The following MYOF variants were observed in gnomAD, a reference collection of about 807,000 sequenced individuals.
The protein encoded by MYOF is myoferlin.
A neutral mutation model predicts 284.2 loss-of-function variants in MYOF; 244 were observed. The ratio of observed to expected loss-of-function variants is 0.86; its 90% confidence interval spans 0.77 to 0.95. The LOEUF is 0.95. Ranked by LOEUF, MYOF falls within the 40% of genes least tolerant of loss-of-function variation. MYOF has a pLI of 0.00. For synonymous variants in MYOF, 904 were observed against 919.7 expected (o/e 0.98, Z 0.31); for missense variants, 2,496 against 2,560.6 (o/e 0.97, Z 0.54).
intron 1 of MYOF, among the ~76,000 whole-genome samples, chr10:93,460,419 G>T (rs763267945): frequency 7.9e-5 from 12 of 152,330 alleles, no homozygotes; most frequent in Non-Finnish European, 1.3e-4. Flanking sequence ...CATCCACTGT[G>T]TGCCAGTAAC....
At chr10:93,388,446 T>C (rs1846507312) in intron 18 of MYOF, among the ~76,000 whole-genome samples, 1 of 152,186 alleles carries the variant, frequency 6.6e-6, no homozygotes, top group African/African-American at 2.4e-5. Context: ...GAAGAGTGGA[T>C]ACTTCTCCCA....
At chr10:93,481,998 G>A in intron 1 of MYOF, 109 bp downstream of exon 1, 1 of 1,042,644 alleles carries the variant, frequency 9.6e-7, no homozygotes, top group East Asian at 2.5e-5. Flanking sequence ...AACGCTGCTG[G>A]AGAGACTTGG....
chr10:93,363,887 G>T, intron 27 of MYOF, 74 bp downstream of exon 27: 2 of 1,354,136 alleles, frequency 1.5e-6, no homozygotes, highest in South Asian at 1.3e-5. Flanking sequence ...CCCAAGCCAG[G>T]TGGCTGCTGG....
chr10:93,385,996 C>G (rs994619784), intron 19 of MYOF, among the ~76,000 whole-genome samples: 1 of 152,166 alleles, frequency 6.6e-6, no homozygotes, highest in East Asian at 1.9e-4. Context: ...TTCTCCTTCT[C>G]CCTGCAACTA....
In MYOF at chr10:93,392,787, T is replaced by TA. The variant is rs1846760935; in HGVS notation, c.1456+129dup. On this transcript the variant is annotated intron_variant, in intron 17 of 53. Transcript: ENST00000359263. ...AACCGTATGGCACTTACACAAAAATTATTACTTTAGCAAAACTATGTTGAG... is the reference window on the plus strand; with the variant it reads ...AACCGTATGGCACTTACACAAAAATTAATTACTTTAGCAAAACTATGTTGAG... The TA allele has an allele frequency of 6.1e-6, 5 of 814,110 alleles. No individual in the cohort carries two copies. In the African/African-American group the frequency reaches 8.7e-5, roughly 14 times the overall value. The allele number at this position is 814,110 out of a possible 1,614,324, so 50.4% of individuals were successfully genotyped here. A position where few individuals can be genotyped will look rare whatever the true frequency, so the allele number is the denominator to read the frequency against.
chr10:93,400,928 C>T (rs780176780), intron 12 of MYOF, among the ~76,000 whole-genome samples: 3 of 146,130 alleles, frequency 2.1e-5, no homozygotes, highest in South Asian at 2.2e-4. Flanking sequence ...GTGTGGCTCA[C>T]GGCAACCTCC....
intron 13 of MYOF, among the ~76,000 whole-genome samples, chr10:93,397,852 A>G (rs1167800562): frequency 6.6e-6 from 1 of 151,900 alleles, no homozygotes; most frequent in African/African-American, 2.4e-5. Flanking sequence ...CTCTTGTTCC[A>G]GTCTTTCCAT....
rs1847808758 is a variant in MYOF at position 93,409,648 on chromosome 10, T to G, written c.525A>C (p.Glu175Asp). 2 of 1,614,120 alleles carry G rather than the reference T, an allele frequency of 1.2e-6. No individual in the cohort carries two copies. The highest frequency in any genetic ancestry group is 2.7e-5 in the African/African-American group (2 of 74,950). ...TGGTGAGCCTCCGAGCAAGCTGAGC[T>G]TCCGACACCGTCCCAACTGGCCCCT... ...GPKGPVGTVS[E>D]AQLARRLTKV... The change falls in exon 6 of 54, where the codon GAA (glutamate) becomes GAC (aspartate). Residue 175 changes from glutamate (E) to aspartate (D), a missense_variant. Transcript: ENST00000359263.
intron 29 of MYOF, among the ~76,000 whole-genome samples, chr10:93,358,673 A>G (rs986192748): frequency 6.6e-6 from 1 of 152,174 alleles, no homozygotes. Context: ...GCTGGAAGCC[A>G]TTATCCTCAG....
At chr10:93,363,109 A>G (rs949557681) in intron 27 of MYOF, among the ~76,000 whole-genome samples, 2 of 152,228 alleles carry the variant, frequency 1.3e-5, no homozygotes, top group African/African-American at 4.8e-5. Flanking sequence ...ACCATTTTTT[A>G]AAAGCTCATA....
intron 3 of MYOF, among the ~76,000 whole-genome samples, chr10:93,432,372 G>A (rs1253272844): frequency 1.3e-5 from 2 of 151,918 alleles, no homozygotes; most frequent in South Asian, 2.1e-4. Flanking sequence ...GGGCGACAGA[G>A]TGAGACCTTG....
chr10:93,455,548 C>G (rs1248960777), intron 2 of MYOF, among the ~76,000 whole-genome samples: 2 of 151,914 alleles, frequency 1.3e-5, no homozygotes, highest in Non-Finnish European at 2.9e-5. Context: ...GCTTGTGGTC[C>G]CAGCTACTCA....
At chr10:93,358,810 G>A (rs1222860153) in intron 29 of MYOF, among the ~76,000 whole-genome samples, 4 of 152,140 alleles carry the variant, frequency 2.6e-5, no homozygotes, top group African/African-American at 4.8e-5. Flanking sequence ...TGGAGGGAGC[G>A]CATCAGGATA....
At chr10:93,319,747 T>C (rs1183311726) in intron 49 of MYOF, 125 bp downstream of exon 49, 1 of 1,313,798 alleles carries the variant, frequency 7.6e-7, no homozygotes, top group African/African-American at 1.5e-5. Context: ...AGATTCCCCA[T>C]CTCTGCTGAG....
Position 93,369,747 on chromosome 10 carries a change from C to G in MYOF, c.2487G>C (p.Lys829Asn). Reference protein sequence around the residue: ...KYPQEKNNGPKVPVELRVNIW... With the variant: ...KYPQEKNNGPNVPVELRVNIW... The stretch of plus-strand genomic sequence containing the variant: ...TGTTCACTCGCAACTCCACAGGCAC[C>G]TTTGGCCCGTTGTTTTTCTCCTGTG... Residue 829 changes from lysine to asparagine, a missense_variant, in exon 25 of 54, where the codon AAG becomes AAC. Coordinates refer to ENST00000359263, the MANE Select transcript of MYOF (RefSeq NM_013451.4). The G allele has an allele frequency of 6.2e-7, 1 of 1,614,158 alleles. No homozygotes were observed. Among genetic ancestry groups the G allele is most frequent in the Non-Finnish European group, 8.5e-7 (1 of 1,180,014 alleles).
rs780662898 is a variant in MYOF, at chr10:93,310,560, G to T, written c.5973C>A (p.Asn1991Lys). 2.5e-6 allele frequency: 4 copies of T among 1,614,078 alleles called. No homozygotes were observed. The African/African-American group carries it at 4.0e-5, about 16-fold the overall frequency. Reference protein sequence around the residue: ...RPAGKGRDEPNMNPKLDLPNR... With the variant: ...RPAGKGRDEPKMNPKLDLPNR... ...TTGGTAAGTCCAGCTTGGGGTTCAT[G>T]TTGGGTTCGTCCCGCCCCTTCCCGG... The change falls in exon 52 of 54, where the codon AAC becomes AAA. Residue 1991 changes from asparagine to lysine, a missense_variant. Physicochemically the swap from Asn to Lys is moderately conservative, Grantham distance 94. Around this residue, in one of 3 missense-constraint regions of MYOF, gnomAD observed 2,436 missense variants for 2,480.7 expected, o/e 0.98. Coordinates refer to ENST00000359263, the MANE Select transcript of MYOF (RefSeq NM_013451.4).
chr10:93,457,485 G>A (rs918866662), intron 1 of MYOF, among the ~76,000 whole-genome samples: 6 of 152,194 alleles, frequency 3.9e-5, no homozygotes, highest in South Asian at 4.1e-4. Flanking sequence ...TAAGACCAGC[G>A]GATAATTTGG....
At chr10:93,334,856 G>A (rs1843523680) in intron 41 of MYOF, among the ~76,000 whole-genome samples, 1 of 152,160 alleles carries the variant, frequency 6.6e-6, no homozygotes. Context: ...TGATTGCTTG[G>A]TGGGAGGCTG....
chr10:93,391,059 G>A (rs1381971027), intron 17 of MYOF, among the ~76,000 whole-genome samples: 2 of 152,166 alleles, frequency 1.3e-5, no homozygotes, highest in African/African-American at 4.8e-5. Flanking sequence ...TCCTCCACCT[G>A]GTTCCCTTGA....
Sources: gnomAD v4.1 joint callset for allele counts (sites outside exome capture counted in the v4.1 genomes callset) on GRCh38, gnomAD v4.1.1 for gene constraint, gnomAD v4.1.1 regional missense constraint, MANE v1.5 for transcripts, NCBI Gene and HGNC (gene_info 2026-07-23, HGNC 2026-07-21) for gene names.